The following CFAP54 variants were observed in gnomAD, a reference collection of about 807,000 sequenced individuals.
CFAP54 encodes the protein cilia- and flagella-associated protein 54.
CFAP54 carries 290 observed loss-of-function variants against 370.4 expected under a neutral mutation model. That is an observed-to-expected ratio of 0.78 (90% confidence interval 0.71 to 0.86). CFAP54 has a LOEUF of 0.86. CFAP54 is among the 40% of genes least tolerant of loss of function. CFAP54 has a pLI of 0.00. For synonymous variants in CFAP54, 1,206 were observed against 1,236.5 expected (o/e 0.98, Z 0.52); for missense variants, 3,399 against 3,528.7 (o/e 0.96, Z 0.93).
At chr12:96,729,700 T>C (rs1380540438) in intron 50 of CFAP54, among the ~76,000 whole-genome samples, 1 of 152,210 alleles carries the variant, frequency 6.6e-6, no homozygotes, top group Non-Finnish European at 1.5e-5. Flanking sequence ...CCCACTGTCC[T>C]GCGCCCACTG....
chr12:96,535,714 T>C (rs1955495206), intron 12 of CFAP54, 114 bp downstream of exon 12: 1 of 626,078 alleles, frequency 1.6e-6, no homozygotes, highest in Non-Finnish European at 2.7e-6. Context: ...TTTTATTTTG[T>C]TTAATCATTA....
chr12:96,597,659 G>A (rs1020273720), intron 25 of CFAP54, among the ~76,000 whole-genome samples: 4 of 151,600 alleles, frequency 2.6e-5, no homozygotes, highest in Non-Finnish European at 5.9e-5. Flanking sequence ...TAGACTTACA[G>A]CATTTCTCAC....
At chr12:96,744,974 T>A (rs988917045) in intron 55 of CFAP54, among the ~76,000 whole-genome samples, 126 of 152,320 alleles carry the variant, frequency 8.3e-4, no homozygotes, top group African/African-American at 2.7e-3. Context: ...CTTGTGTTAG[T>A]TTGCTGAGGA....
chr12:96,829,070 G>A lies in CFAP54; in HGVS notation c.9153G>A (p.Glu3051=), dbSNP rs982146560. The part of the protein sequence containing the change: ...EIASLFLNDK[E]PTPLSEVPFD... ...CATCTCTGTTTTTGAATGATAAAGA[G>A]CCAACACCACTATCTGAGGTATGTA... The change falls in exon 66 of 68, where the codon GAG becomes GAA. Residue 3051 remains glutamate, a synonymous_variant. Transcript: ENST00000524981. 6 of 1,511,240 alleles carry A rather than the reference G, an allele frequency of 4.0e-6. No homozygotes were observed. In the Admixed American group the frequency reaches 9.9e-5, roughly 25 times the overall value. 93.6% of individuals were successfully genotyped at this position (1,511,240 alleles called of 1,614,324 possible).
chr12:96,696,750 C>T (rs1449165055), intron 45 of CFAP54, among the ~76,000 whole-genome samples: 1 of 151,914 alleles, frequency 6.6e-6, no homozygotes, highest in Non-Finnish European at 1.5e-5. Flanking sequence ...ATTGAAAAAC[C>T]AGACTAGGGT....
chr12:96,680,949 G>A (rs1164820286), intron 40 of CFAP54, among the ~76,000 whole-genome samples: 1 of 152,118 alleles, frequency 6.6e-6, no homozygotes, highest in African/African-American at 2.4e-5. Flanking sequence ...CCGGTGTGGT[G>A]GCGTGCACCT....
At chr12:96,630,763 C>T in intron 32 of CFAP54, 112 bp downstream of exon 32, 1 of 487,980 alleles carries the variant, frequency 2.0e-6, no homozygotes, top group East Asian at 3.4e-5. Flanking sequence ...AAATCACTGC[C>T]TTCAAGGAAC....
intron 44 of CFAP54, 57 bp downstream of exon 44, chr12:96,691,367 C>A: frequency 7.7e-7 from 1 of 1,290,380 alleles, no homozygotes; most frequent in Non-Finnish European, 1.0e-6. Flanking sequence ...CTCCACTTAC[C>A]TCATACTTTT....
rs551771920 is a variant in CFAP54 at position 96,548,949 on chromosome 12, G to T, written c.2154+971G>T. ...GGCTCACTGCAACCTCTGCCTTCCA[G>T]GTTCAAGCCAGTCTCCTGCCTCAGC... On this transcript the variant is annotated intron_variant, in intron 15 of 67. Transcript: ENST00000524981. Among the ~76,000 whole-genome samples the T allele has an allele frequency of 1.9e-4, 29 of 152,052 alleles. No homozygotes were observed. In the East Asian group the frequency reaches 3.1e-3, roughly 16 times the overall value.
intron 26 of CFAP54, among the ~76,000 whole-genome samples, chr12:96,608,264 G>T (rs1215833555): frequency 6.6e-6 from 1 of 151,488 alleles, no homozygotes; most frequent in Non-Finnish European, 1.5e-5. Flanking sequence ...AGCAGGTAAA[G>T]ATTTTTGGTG....
chr12:96,871,404 C>A (rs1173716073), intron 67 of CFAP54, among the ~76,000 whole-genome samples: 1 of 152,170 alleles, frequency 6.6e-6, no homozygotes, highest in Non-Finnish European at 1.5e-5. Flanking sequence ...CAAAAATAGG[C>A]CCACCCATCA....
chr12:96,779,183 C>T (rs1449075352), intron 60 of CFAP54, among the ~76,000 whole-genome samples: 2 of 151,210 alleles, frequency 1.3e-5, no homozygotes, highest in Non-Finnish European at 2.9e-5. Flanking sequence ...ACCCATGTAA[C>T]CACCACTAGG....
At chr12:96,826,669 TATATA>T (rs1260696714) in intron 65 of CFAP54, among the ~76,000 whole-genome samples, 1 of 105,828 alleles carries the variant, frequency 9.4e-6, no homozygotes, top group Non-Finnish European at 1.7e-5. Context: ...TATATATAAA[TATATA>T]ATATATAATA....
chr12:96,659,460 A>G (rs535327405), intron 38 of CFAP54, among the ~76,000 whole-genome samples: 10 of 152,274 alleles, frequency 6.6e-5, no homozygotes, highest in African/African-American at 2.2e-4. Flanking sequence ...GGGGCCCACT[A>G]AATGTTTTAA....
intron 40 of CFAP54, chr12:96,682,215 G>A: frequency 1.0e-6 from 1 of 985,554 alleles, no homozygotes; most frequent in Non-Finnish European, 1.2e-6. Context: ...CAGAGGAGAT[G>A]CATATGTCAA....
At position 96,790,421 on chromosome 12, in the gene CFAP54, T is replaced by C. The variant is rs536413498; in HGVS notation, c.8680-1908T>C. ...AATGAATCCTCTTAGCAACTACATATATAGTATTTGAAAGGTAATGGAATA... is the reference window on the plus strand; with the variant it reads ...AATGAATCCTCTTAGCAACTACATACATAGTATTTGAAAGGTAATGGAATA... On this transcript the variant is annotated intron_variant, in intron 62 of 67. Transcript: ENST00000524981. Among the ~76,000 whole-genome samples, 5 of 152,298 alleles carry C rather than the reference T, an allele frequency of 3.3e-5. No individual in the cohort carries two copies. In the East Asian group the frequency reaches 9.6e-4, roughly 29 times the overall value.
At chr12:96,852,525 G>A (rs547951660) in intron 66 of CFAP54, among the ~76,000 whole-genome samples, 1 of 152,078 alleles carries the variant, frequency 6.6e-6, no homozygotes, top group Non-Finnish European at 1.5e-5. Context: ...ATTCCAAATT[G>A]ATTGTGGCAA....
intron 50 of CFAP54, among the ~76,000 whole-genome samples, chr12:96,732,458 A>G (rs978858355): frequency 1.7e-4 from 26 of 152,308 alleles, no homozygotes; most frequent in Middle Eastern, 6.8e-3. Context: ...TTTATTAAAC[A>G]AGACATTAAA....
rs984086044 is a variant in CFAP54, at chr12:96,534,168, T to C, written c.1646T>C (p.Leu549Ser). ...VKRNKGLIFP[L>S]ENYKEGQSTQ... ...AGAAACAAAGGTTTGATCTTTCCTT[T>C]GGAAAACTATAAAGAAGGACAGTCA... The change falls in exon 11 of 68, where the codon TTG (leucine) becomes TCG (serine). Residue 549 changes from leucine (L) to serine (S), a missense_variant. Leu to Ser is a moderately radical substitution (Grantham distance 145). Transcript: ENST00000524981. The C allele has an allele frequency of 6.6e-7, 1 of 1,519,252 alleles. No homozygotes were observed. Among genetic ancestry groups the C allele is most frequent in the African/African-American group, 1.4e-5 (1 of 72,804 alleles). The allele number at this position is 1,519,252 out of a possible 1,614,324, so 94.1% of individuals were successfully genotyped here.
Sources: gnomAD v4.1 joint callset for allele counts (sites outside exome capture counted in the v4.1 genomes callset) on GRCh38, gnomAD v4.1.1 for gene constraint, MANE v1.5 for transcripts, NCBI Gene and HGNC (gene_info 2026-07-23, HGNC 2026-07-21) for gene names.